RC3H2: variants seen among roughly 807,000 people sequenced by gnomAD.
RC3H2 encodes ring finger and CCCH-type domains 2.
Under a neutral mutation model 133.3 loss-of-function variants are expected in RC3H2, and 31 were observed. The ratio of observed to expected loss-of-function variants is 0.23; its 90% CI spans 0.17 to 0.31. The LOEUF is 0.31. Ranked by LOEUF, RC3H2 falls within the 10% of genes least tolerant of loss-of-function variation. The pLI is 1.00. For missense variants in RC3H2, 1,175 were observed against 1,437.2 expected (o/e 0.82, Z 2.95); for synonymous variants, 517 against 502.2 (o/e 1.03, Z -0.40).
rs774930533 is a variant in RC3H2, at chr9:122,851,137, G to A, written c.3324C>T (p.His1108=). ...TCTTCTGCTTTGGTGGCTCCTTTTG[G>A]TGCTGCTGTACTGGATGCCCATTTT... The part of the protein sequence containing the change: ...AVENGHPVQQ[H]QKEPPKQKKQ... The change falls in exon 20 of 21, where the codon CAC becomes CAT. Residue 1108 remains histidine (H), a synonymous_variant. Transcript: ENST00000357244. The A allele has an allele frequency of 2.4e-5, 39 of 1,614,102 alleles. No homozygotes were observed. The highest frequency in any genetic ancestry group is 3.3e-5 in the Non-Finnish European group (39 of 1,180,030).
rs780167344 is a variant in RC3H2, at chr9:122,849,739, G to A, written c.3464C>T (p.Pro1155Leu). The A allele has an allele frequency of 1.1e-5, 18 of 1,609,302 alleles. 1 individual carries two copies. In the East Asian group the frequency reaches 1.3e-4, roughly 12 times the overall value. Residue 1155 changes from proline to leucine, a missense_variant, in exon 21 of 21, where the codon CCC becomes CTC. Pro to Leu is a moderately conservative substitution (Grantham distance 98, BLOSUM62 -3). Transcript: ENST00000357244. ...PVSISNASCL[P>L]ITTSVSAGNL... is the part of the protein sequence containing the mutation. ...GCCAGCACTGACAGATGTGGTGATG[G>A]GGAGGCAACTTGCATTGCTAATAGA...
intron 4 of RC3H2, among the ~76,000 whole-genome samples, chr9:122,888,047 G>A (rs1007753557): frequency 1.3e-5 from 2 of 151,908 alleles, no homozygotes; most frequent in Non-Finnish European, 2.9e-5. Flanking sequence ...GCCTGGCCTT[G>A]TATCTTTTTT....
At chr9:122,858,629 G>C (rs1291822529) in intron 12 of RC3H2, 40 bp downstream of exon 12, 2 of 1,539,296 alleles carry the variant, frequency 1.3e-6, no homozygotes, top group Admixed American at 3.4e-5. Flanking sequence ...TCCAGACACT[G>C]GGCTGTTAAT....
chr9:122,866,610 T>A (rs1005887203), intron 9 of RC3H2, among the ~76,000 whole-genome samples: 22 of 152,248 alleles, frequency 1.4e-4, no homozygotes, highest in Non-Finnish European at 2.8e-4. Flanking sequence ...TTTCACTGTG[T>A]TGGCTGGGCT....
rs753133750 is a variant in RC3H2, at chr9:122,880,084, C to G, written c.1002G>C (p.Leu334Phe). 4 of 1,614,116 alleles carry G rather than the reference C, an allele frequency of 2.5e-6. No individual in the cohort carries two copies. Among genetic ancestry groups the G allele is most frequent in the Admixed American group, 3.3e-5 (2 of 60,014 alleles). The change falls in exon 7 of 21, where the codon TTG becomes TTC. Residue 334 changes from leucine (L) to phenylalanine (F), a missense_variant. Physicochemically the swap from Leu to Phe is conservative, Grantham distance 22 (BLOSUM62 0). This residue lies in a region of RC3H2 where 131 missense variants were observed against 154.2 expected (regional missense o/e 0.85). Transcript: ENST00000357244. ...CACCTGTTCGTTGCAAAACAATTGT[C>G]AATTCCTGGACACTCTTTGCAAATG... Reference protein sequence around the residue: ...PESFAKSVQELTIVLQRTGDP... With the variant: ...PESFAKSVQEFTIVLQRTGDP...
Position 122,854,060 on chromosome 9 carries a change from C to T in RC3H2, c.3009G>A (p.Gln1003=), listed in dbSNP as rs770134440. 2 of 1,613,962 alleles carry T rather than the reference C, an allele frequency of 1.2e-6. No homozygotes were observed. The highest frequency in any genetic ancestry group is 1.7e-6 in the Non-Finnish European group (2 of 1,180,046). ...GCATGGCCAAAGCATTGGCCTCTCT[C>T]TGAAGAAGTAATGAGTTGCTCTTGG... The part of the protein sequence containing the change: ...QQAKSNSLLL[Q]REANALAMQQ... Residue 1003 remains glutamine (Q), a synonymous_variant, in exon 18 of 21, where the codon CAG becomes CAA. Coordinates refer to ENST00000357244, the MANE Select transcript of RC3H2 (RefSeq NM_001100588.3).
rs1232243656 is a variant in RC3H2 at position 122,846,018 on chromosome 9, C to A, written c.*3609G>T. 6.6e-6 allele frequency: 1 copy of A among 152,142 alleles called. No individual in the cohort carries two copies. The highest frequency in any genetic ancestry group is 2.1e-4 in the South Asian group (1 of 4,820). The allele number at this position is 152,142 out of a possible 1,614,324, so 9.4% of individuals were successfully genotyped here. A position where few individuals can be genotyped will look rare whatever the true frequency, so the allele number is the denominator to read the frequency against. On this transcript the variant is annotated 3_prime_UTR_variant, in exon 21 of 21. Coordinates refer to ENST00000357244, the MANE Select transcript of RC3H2 (RefSeq NM_001100588.3). ...CTGAATCTGATGGTTATACATTCCA[C>A]CCCTGTTAACAAGACAACATAGGCT... is the stretch of plus-strand genomic sequence containing the variant.
chr9:122,865,374 G>A lies in RC3H2; in HGVS notation c.1609C>T (p.Pro537Ser). ...VGANGQNAAG[P>S]SADSVTENKI... The stretch of plus-strand genomic sequence containing the variant: ...TTTTCAGTTACAGAATCTGCAGAGG[G>A]CCCAGCAGCATTCTGACCATTAGCG... Residue 537 changes from proline (P) to serine (S), a missense_variant, in exon 10 of 21, where the codon CCC becomes TCC. Coordinates refer to ENST00000357244, the MANE Select transcript of RC3H2 (RefSeq NM_001100588.3). 6.2e-7 allele frequency: 1 copy of A among 1,611,428 alleles called. No individual in the cohort carries two copies. The highest frequency in any genetic ancestry group is 8.5e-7 in the Non-Finnish European group (1 of 1,177,696).
Position 122,855,821 on chromosome 9 carries a change from G to A in RC3H2, c.2512C>T (p.Pro838Ser). Reference sequence around the variant, plus strand: ...GAGCCTATGGTGCCACAAGACCAGGGAGAATAATGGGAAAGATGATCTTCT... The same window carrying A: ...GAGCCTATGGTGCCACAAGACCAGGAAGAATAATGGGAAAGATGATCTTCT... ...FEEDHLSHYSPWSCGTIGSCI... is the reference protein window; with the variant it reads ...FEEDHLSHYSSWSCGTIGSCI... The change falls in exon 14 of 21, where the codon CCC (proline) becomes TCC (serine). Residue 838 changes from proline (P) to serine (S), a missense_variant. This residue lies in a region of RC3H2 where 490 missense variants were observed against 492.8 expected (regional missense o/e 0.99). Coordinates refer to ENST00000357244, the MANE Select transcript of RC3H2 (RefSeq NM_001100588.3). 1.2e-6 allele frequency: 2 copies of A among 1,613,584 alleles called. No individual in the cohort carries two copies. The highest frequency in any genetic ancestry group is 1.1e-5 in the South Asian group (1 of 91,044).
intron 9 of RC3H2, among the ~76,000 whole-genome samples, chr9:122,869,902 A>G (rs906444014): frequency 2.0e-5 from 3 of 152,084 alleles, no homozygotes; most frequent in African/African-American, 7.2e-5. Context: ...GAAAACCAAT[A>G]ATTACTTCTT....
intron 9 of RC3H2, among the ~76,000 whole-genome samples, chr9:122,877,102 G>A (rs1831373834): frequency 6.6e-6 from 1 of 152,164 alleles, no homozygotes; most frequent in Admixed American, 6.5e-5. Flanking sequence ...GCAGAGTCTT[G>A]CTGTGTCCCT....
At chr9:122,877,764 T>C (rs1755050520) in intron 8 of RC3H2, among the ~76,000 whole-genome samples, 181 bp from the exon 9 acceptor site, 1 of 152,248 alleles carries the variant, frequency 6.6e-6, no homozygotes. Flanking sequence ...GACATAACCC[T>C]GAATTGGCAC....
chr9:122,849,968 C>G, intron 20 of RC3H2, 146 bp from the exon 21 acceptor site: 2 of 481,540 alleles, frequency 4.2e-6, no homozygotes, highest in Non-Finnish European at 7.0e-6. Flanking sequence ...TCAGAAGTAA[C>G]TAGAAAAGTC....
At chr9:122,882,373 G>C (rs982483038) in intron 5 of RC3H2, among the ~76,000 whole-genome samples, 5 of 152,144 alleles carry the variant, frequency 3.3e-5, no homozygotes, top group Non-Finnish European at 7.4e-5. Context: ...TCAACTACCT[G>C]TTATCTCAAA....
In RC3H2 at chr9:122,860,135, G is replaced by C; in HGVS notation, c.1635-4C>G. The C allele has an allele frequency of 1.2e-6, 2 of 1,609,592 alleles. No individual in the cohort carries two copies. The highest frequency in any genetic ancestry group is 1.7e-6 in the Non-Finnish European group (2 of 1,175,974). ...CTTGGGTGGAGAACCAATTTTACTG[G>C]AGAGAAAATTTAACAAAGGGCAAAG... On this transcript the variant is annotated splice_polypyrimidine_tract_variant and splice_region_variant and intron_variant, in intron 10 of 20. Coordinates refer to ENST00000357244, the MANE Select transcript of RC3H2 (RefSeq NM_001100588.3).
chr9:122,863,167 A>T (rs537961175), intron 10 of RC3H2, among the ~76,000 whole-genome samples: 1 of 152,250 alleles, frequency 6.6e-6, no homozygotes, highest in East Asian at 1.9e-4. Context: ...ATTTAACATA[A>T]ATGTGACCTT....
At position 122,854,084 on chromosome 9, in the gene RC3H2, G is replaced by A; in HGVS notation, c.2985C>T (p.Ala995=). The A allele has an allele frequency of 6.2e-7, 1 of 1,613,466 alleles. No homozygotes were observed. Among genetic ancestry groups the A allele is most frequent in the Non-Finnish European group, 8.5e-7 (1 of 1,179,906 alleles). The change falls in exon 18 of 21, where the codon GCC becomes GCT. Residue 995 remains alanine (A), a splice_region_variant and synonymous_variant. Transcript: ENST00000357244. ...GDLLSLELQQ[A]KSNSLLLQRE... ...TCTGAAGAAGTAATGAGTTGCTCTT[G>A]GCCTATATGAGGAGGGAAAAAAAGA...
chr9:122,850,222 G>A (rs920870434), intron 20 of RC3H2, among the ~76,000 whole-genome samples: 7 of 151,908 alleles, frequency 4.6e-5, no homozygotes, highest in East Asian at 1.9e-4. Context: ...TGATCCACCC[G>A]CCTCGGCCTC....
chr9:122,852,368 CGT>C (rs1830069471), intron 18 of RC3H2, among the ~76,000 whole-genome samples: 2 of 150,232 alleles, frequency 1.3e-5, no homozygotes, highest in African/African-American at 2.5e-5. Flanking sequence ...AAGTGAGGAG[CGT>C]CTCCGCCCGG....
Sources: gnomAD v4.1 joint callset for allele counts (sites outside exome capture counted in the v4.1 genomes callset) on GRCh38, gnomAD v4.1.1 for gene constraint, gnomAD v4.1.1 regional missense constraint, MANE v1.5 for transcripts, NCBI Gene and HGNC (gene_info 2026-07-23, HGNC 2026-07-21) for gene names.